CEP57L1: variants seen among roughly 807,000 people sequenced by gnomAD.
The protein encoded by CEP57L1 is centrosomal protein 57 like 1.
A neutral mutation model predicts 61.0 loss-of-function variants in CEP57L1; 37 were observed. The ratio of observed to expected loss-of-function variants is 0.61; its 90% confidence interval spans 0.47 to 0.80. The LOEUF (loss-of-function observed/expected upper bound fraction) is 0.80. Among genes scored for constraint, CEP57L1 ranks in the 30% least tolerant of loss-of-function variants. CEP57L1 has a pLI of 0.00. For synonymous variants in CEP57L1, 137 were observed against 162.3 expected, an observed-to-expected ratio of 0.84 and a Z score of 1.19; for missense variants, 422 against 524.7, an observed-to-expected ratio of 0.80 and a Z score of 1.91.
At chr6:109,145,456 T>C in intron 2 of CEP57L1, 75 bp downstream of exon 2, 2 of 966,380 alleles carry the variant, frequency 2.1e-6, no homozygotes, top group Admixed American at 2.6e-5. Flanking sequence ...TGGAATACAA[T>C]ATGATTGCAT....
intron 3 of CEP57L1, 80 bp downstream of exon 3, chr6:109,147,017 T>C: frequency 1.8e-6 from 2 of 1,091,772 alleles, no homozygotes; most frequent in Non-Finnish European, 2.6e-6. Context: ...TCTAAGCCGA[T>C]GTACTCAGAT....
At chr6:109,140,054 T>C (rs1444250526) in intron 1 of CEP57L1, among the ~76,000 whole-genome samples, 1 of 152,206 alleles carries the variant, frequency 6.6e-6, no homozygotes, top group Admixed American at 6.5e-5. Flanking sequence ...TGAATCTGGA[T>C]ATAACTGCTT....
intron 1 of CEP57L1, among the ~76,000 whole-genome samples, chr6:109,121,228 T>G (rs1241671551): frequency 6.6e-6 from 1 of 152,206 alleles, no homozygotes; most frequent in East Asian, 1.9e-4. Context: ...TGGTGTTTAT[T>G]TTCATTCTGA....
chr6:109,109,742 A>G (rs1486846426), intron 1 of CEP57L1, among the ~76,000 whole-genome samples: 1 of 152,162 alleles, frequency 6.6e-6, no homozygotes, highest in Non-Finnish European at 1.5e-5. Context: ...CCCTGTGTCC[A>G]AGCGTTCTCA....
At chr6:109,136,406 G>A (rs1770685090) in intron 1 of CEP57L1, among the ~76,000 whole-genome samples, 1 of 152,140 alleles carries the variant, frequency 6.6e-6, no homozygotes, top group Middle Eastern at 3.2e-3. Context: ...CACACACCGG[G>A]GCCTGTTGTA....
At chr6:109,149,662 A>G (rs1233546012) in intron 3 of CEP57L1, among the ~76,000 whole-genome samples, 1 of 152,012 alleles carries the variant, frequency 6.6e-6, no homozygotes, top group African/African-American at 2.4e-5. Flanking sequence ...GAAGAAAGTC[A>G]TTGGTAGCTT....
In CEP57L1 at chr6:109,167,123, A is replaced by G. The variant is rs1380053610; in HGVS notation, c.*4153A>G. ...AATAAATTTACTTCTTGGTAATTAA[A>G]TAGACCTTCTCAATGCCTCAGCCTT... On this transcript the variant is annotated 3_prime_UTR_variant, in exon 11 of 11. Transcript: ENST00000517392. Among the ~76,000 whole-genome samples, 1 of 152,248 alleles carries G rather than the reference A, an allele frequency of 6.6e-6. No individual in the cohort carries two copies. The highest frequency in any genetic ancestry group is 1.5e-5 in the Non-Finnish European group (1 of 68,044).
rs962169056 is a variant in CEP57L1 at position 109,132,647 on chromosome 6, G to A, written c.-3-12572G>A. Among the ~76,000 whole-genome samples, 4 of 152,184 alleles carry A rather than the reference G, an allele frequency of 2.6e-5. No individual in the cohort carries two copies. In the East Asian group the frequency reaches 5.8e-4, roughly 22 times the overall value. On this transcript the variant is annotated intron_variant, in intron 1 of 10. Transcript: ENST00000517392. ...GTAATATCTATCTGTATGTATATAT[G>A]TGTATGTAAAGAAATACATATTTAA...
At chr6:109,145,142 C>T in intron 1 of CEP57L1, 77 bp from the exon 2 acceptor site, 2 of 864,540 alleles carry the variant, frequency 2.3e-6, no homozygotes, top group Non-Finnish European at 3.4e-6. Context: ...TTTAAAGTTT[C>T]ACCTGAATTT....
intron 1 of CEP57L1, chr6:109,130,874 T>G (rs1351228036): frequency 6.6e-6 from 1 of 152,142 alleles, no homozygotes; most frequent in African/African-American, 2.4e-5. Context: ...GAGTGTTGTT[T>G]GTCTTTCTAC....
intron 7 of CEP57L1, chr6:109,158,537 A>G (rs952299933): frequency 4.1e-5 from 17 of 419,306 alleles, no homozygotes; most frequent in Non-Finnish European, 6.5e-5. Flanking sequence ...GCTATTACAA[A>G]TAAAGCTGCT....
At chr6:109,154,823 AGTACACTCTTAT>A (rs1040782945) in intron 5 of CEP57L1, among the ~76,000 whole-genome samples, 3 of 152,078 alleles carry the variant, frequency 2.0e-5, no homozygotes, top group African/African-American at 7.2e-5. Context: ...TTCTCCCAAA[AGTACACTCTTAT>A]CACATATATG....
chr6:109,155,918 ATACT>A (rs775931632), intron 7 of CEP57L1, 41 bp downstream of exon 7: 2 of 874,166 alleles, frequency 2.3e-6, no homozygotes, highest in East Asian at 2.6e-5. Flanking sequence ...AATACTGCTA[ATACT>A]TATTTATATA....
intron 7 of CEP57L1, 38 bp downstream of exon 7, chr6:109,155,915 C>A: frequency 1.1e-6 from 1 of 925,078 alleles, no homozygotes; most frequent in Non-Finnish European, 1.7e-6. Context: ...AAAAATACTG[C>A]TAATACTTAT....
At chr6:109,150,521 G>A (rs1272872768) in intron 4 of CEP57L1, among the ~76,000 whole-genome samples, 1 of 152,036 alleles carries the variant, frequency 6.6e-6, no homozygotes, top group Non-Finnish European at 1.5e-5. Flanking sequence ...AATTAGCCGG[G>A]CTTGGTGGCA....
intron 1 of CEP57L1, among the ~76,000 whole-genome samples, chr6:109,125,421 G>A (rs1391335647): frequency 6.7e-6 from 1 of 148,642 alleles, no homozygotes; most frequent in Non-Finnish European, 1.5e-5. Flanking sequence ...CTCAACCTGT[G>A]GAAAAAAAAA....
chr6:109,115,356 A>T (rs967354875), intron 1 of CEP57L1, among the ~76,000 whole-genome samples: 13 of 152,090 alleles, frequency 8.5e-5, no homozygotes, highest in Admixed American at 3.3e-4. Flanking sequence ...TTTGTAGGGA[A>T]AACAATTCTA....
intron 1 of CEP57L1, among the ~76,000 whole-genome samples, chr6:109,109,356 TA>T (rs1450997863): frequency 1.3e-5 from 2 of 152,174 alleles, no homozygotes; most frequent in African/African-American, 4.8e-5. Flanking sequence ...TAAAGAAGGT[TA>T]ATTTTGTTTT....
At chr6:109,116,877 T>C (rs2114671062) in intron 1 of CEP57L1, among the ~76,000 whole-genome samples, 1 of 152,316 alleles carries the variant, frequency 6.6e-6, no homozygotes, top group African/African-American at 2.4e-5. Flanking sequence ...AAGAAAAACA[T>C]ACTTCTAAAG....
Sources: gnomAD v4.1 joint callset for allele counts (sites outside exome capture counted in the v4.1 genomes callset) on GRCh38, gnomAD v4.1.1 for gene constraint, MANE v1.5 for transcripts, NCBI Gene and HGNC (gene_info 2026-07-23, HGNC 2026-07-21) for gene names.